PRMT1: variants seen among roughly 807,000 people sequenced by gnomAD.
The protein encoded by PRMT1 is protein arginine N-methyltransferase 1.
A neutral mutation model predicts 47.4 loss-of-function variants in PRMT1; 5 were observed. The ratio of observed to expected loss-of-function variants is 0.11; its 90% CI spans 0.06 to 0.22. The LOEUF is 0.22. PRMT1 is among the 10% of genes least tolerant of loss of function. The probability of loss-of-function intolerance (pLI) is 1.00; values close to 1 mark genes in which losing one functional copy is unlikely to be tolerated. For missense variants in PRMT1, 249 were observed against 518.4 expected (o/e 0.48, Z 5.05); for synonymous variants, 227 against 204.6 (o/e 1.11, Z -0.94).
At position 49,680,398 on chromosome 19, in the gene PRMT1, ACTC is replaced by A. The variant is rs147170819; in HGVS notation, c.91-88_91-86del. 5.5e-4 allele frequency: 667 copies of A among 1,204,860 alleles called. 5 individuals carry two copies. The African/African-American group carries it at 8.8e-3, about 16-fold the overall frequency. 74.6% of individuals were successfully genotyped at this position (1,204,860 alleles called of 1,614,324 possible). A position where few individuals can be genotyped will look rare whatever the true frequency, so the allele number is the denominator to read the frequency against. On this transcript the variant is annotated intron_variant, in intron 2 of 10. Transcript: ENST00000454376. This position sits in a 1 kb window ranked among gnomAD's most constrained non-coding sequence, Gnocchi z 4.2. ...GGTATGATTTTGGGGGTTCTATACTACTCTTCAGGGAAAAGTAGGGCGCTGGAG... is the reference window on the plus strand; with the variant it reads ...GGTATGATTTTGGGGGTTCTATACTATTCAGGGAAAAGTAGGGCGCTGGAG...
At chr19:49,682,314 C>T (rs1328521618) in intron 5 of PRMT1, 55 bp downstream of exon 5, 1 of 1,556,776 alleles carries the variant, frequency 6.4e-7, no homozygotes, top group African/African-American at 1.4e-5. Context: ...TGCCCTGCTT[C>T]CCCAGGGCCC....
intron 9 of PRMT1, 139 bp downstream of exon 9, chr19:49,686,382 G>A (rs1403700277): frequency 3.0e-6 from 4 of 1,317,364 alleles, no homozygotes; most frequent in Non-Finnish European, 3.1e-6. Flanking sequence ...CCATGTAGCA[G>A]TCACGTGGCC....
chr19:49,684,621 C>T lies in PRMT1; in HGVS notation c.556-133C>T. 9.4e-7 allele frequency: 1 copy of T among 1,064,866 alleles called. No individual in the cohort carries two copies. The highest frequency in any genetic ancestry group is 1.4e-6 in the Non-Finnish European group (1 of 733,888). 66.0% of individuals were successfully genotyped at this position (1,064,866 alleles called of 1,614,324 possible). A position where few individuals can be genotyped will look rare whatever the true frequency, so the allele number is the denominator to read the frequency against. On this transcript the variant is annotated intron_variant, in intron 6 of 10. Transcript: ENST00000454376. This position sits in a 1 kb window ranked among gnomAD's most constrained non-coding sequence, Gnocchi z 6.2. ...TCTGGCGGCCGTGTGGGAAATAGAC[C>T]AGGGGGCGAGGGGTGAGTGCCGCTG...
rs757559425 is a variant in PRMT1 at position 49,679,948 on chromosome 19, C to T, written c.90+23C>T. The T allele has an allele frequency of 6.3e-6, 10 of 1,595,650 alleles. No homozygotes were observed. In the Admixed American group the frequency reaches 1.7e-4, roughly 27 times the overall value. ...GAAGTAAATATCCTTTTGTGAGACCCCTCCCCACCCTGACCTCCACATCAA... is the reference window on the plus strand; with the variant it reads ...GAAGTAAATATCCTTTTGTGAGACCTCTCCCCACCCTGACCTCCACATCAA... On this transcript the variant is annotated intron_variant, in intron 2 of 10. Transcript: ENST00000454376.
In PRMT1 at chr19:49,680,321, T is replaced by G; in HGVS notation, c.91-166T>G. ...GAAGTGGAAAATGGGGTTGTTAGGT[T>G]TTGGGGTTCCTGGGGGGGCAAGATG... On this transcript the variant is annotated intron_variant, in intron 2 of 10. Transcript: ENST00000454376. This position sits in a 1 kb window ranked among gnomAD's most constrained non-coding sequence, Gnocchi z 4.2. The G allele has an allele frequency of 8.6e-7, 1 of 1,157,674 alleles. No homozygotes were observed. The highest frequency in any genetic ancestry group is 1.3e-6 in the Non-Finnish European group (1 of 779,058). 71.7% of individuals were successfully genotyped at this position (1,157,674 alleles called of 1,614,324 possible). A position where few individuals can be genotyped will look rare whatever the true frequency, so the allele number is the denominator to read the frequency against.
chr19:49,682,614 C>T lies in PRMT1; in HGVS notation c.412+355C>T, dbSNP rs536996866. ...GTCTGGACCTACAAACACATACATA[C>T]GTAAATGCATTTACATTCTCGTGCA... On this transcript the variant is annotated intron_variant, in intron 5 of 10. Coordinates refer to ENST00000454376, the MANE Select transcript of PRMT1 (RefSeq NM_001536.6). Among the ~76,000 whole-genome samples, 12 of 152,204 alleles carry T rather than the reference C, an allele frequency of 7.9e-5. No homozygotes were observed. In the South Asian group the frequency reaches 8.3e-4, roughly 11 times the overall value.
intron 9 of PRMT1, among the ~76,000 whole-genome samples, 175 bp from the exon 10 acceptor site, chr19:49,686,427 TTCC>T (rs938305794): frequency 2.0e-5 from 3 of 152,014 alleles, no homozygotes; most frequent in Non-Finnish European, 2.9e-5. Flanking sequence ...GTGCCTCAGT[TTCC>T]TCATCCACAA....
chr19:49,683,779 G>A, intron 5 of PRMT1, 148 bp from the exon 6 acceptor site: 2 of 850,084 alleles, frequency 2.4e-6, no homozygotes, highest in Non-Finnish European at 3.6e-6. Flanking sequence ...AACGATGTAT[G>A]AATTTTAAAA....
At position 49,686,783 on chromosome 19, in the gene PRMT1, G is replaced by A. The variant is rs535928505; in HGVS notation, c.1032+57G>A. ...GCAGCTAGGGCGGGGAGTGTAGATT[G>A]GGGGGGGAGTGGTGGGGGAGGAATG... On this transcript the variant is annotated intron_variant, in intron 10 of 10. Transcript: ENST00000454376. The A allele has an allele frequency of 4.4e-6, 5 of 1,129,616 alleles. No individual in the cohort carries two copies. In the African/African-American group the frequency reaches 5.5e-5, roughly 12 times the overall value. The allele number at this position is 1,129,616 out of a possible 1,614,324, so 70.0% of individuals were successfully genotyped here. A position where few individuals can be genotyped will look rare whatever the true frequency, so the allele number is the denominator to read the frequency against.
intron 5 of PRMT1, among the ~76,000 whole-genome samples, chr19:49,683,270 A>T (rs921846631): frequency 2.0e-5 from 3 of 152,000 alleles, no homozygotes; most frequent in African/African-American, 7.3e-5. Flanking sequence ...GTCCATTTGA[A>T]GCAAATTCCC....
chr19:49,677,258 A>T (rs747388867), upstream of PRMT1: 1 of 1,416,512 alleles, frequency 7.1e-7, no homozygotes. Context: ...TGGCGGCCGG[A>T]GGAGGAGTAG....
In PRMT1 at chr19:49,680,662, C is replaced by T. The variant is rs953208943; in HGVS notation, c.192+74C>T. On this transcript the variant is annotated intron_variant, in intron 3 of 10. Coordinates refer to ENST00000454376, the MANE Select transcript of PRMT1 (RefSeq NM_001536.6). This position sits in a 1 kb window ranked among gnomAD's most constrained non-coding sequence, Gnocchi z 4.2. The stretch of plus-strand genomic sequence containing the variant: ...TTGGGGAAGGGGTGGAACCTGTTTT[C>T]CCACGCATGCGCACTGCTTCCCCTG... 3.9e-5 allele frequency: 47 copies of T among 1,215,410 alleles called. No homozygotes were observed. Among genetic ancestry groups the T allele is most frequent in the Admixed American group, 1.6e-4 (9 of 57,952 alleles). 75.3% of individuals were successfully genotyped at this position (1,215,410 alleles called of 1,614,324 possible).
At chr19:49,683,865 G>A (rs1884859485) in intron 5 of PRMT1, 62 bp from the exon 6 acceptor site, 2 of 1,570,828 alleles carry the variant, frequency 1.3e-6, no homozygotes, top group African/African-American at 1.4e-5. Context: ...TAGCCCCCGG[G>A]GGAGGTGAGG....
rs1568485486 is a variant in PRMT1 at position 49,680,398 on chromosome 19, A to T, written c.91-89A>T. On this transcript the variant is annotated intron_variant, in intron 2 of 10. Transcript: ENST00000454376. The surrounding 1 kb of genome is among the most constrained non-coding windows in gnomAD (Gnocchi z 4.2). The stretch of plus-strand genomic sequence containing the variant: ...GGTATGATTTTGGGGGTTCTATACT[A>T]CTCTTCAGGGAAAAGTAGGGCGCTG... 3 of 1,204,742 alleles carry T rather than the reference A, an allele frequency of 2.5e-6. No individual in the cohort carries two copies. The highest frequency in any genetic ancestry group is 1.5e-5 in the African/African-American group (1 of 66,142). The allele number at this position is 1,204,742 out of a possible 1,614,324, so 74.6% of individuals were successfully genotyped here. A position where few individuals can be genotyped will look rare whatever the true frequency, so the allele number is the denominator to read the frequency against.
At chr19:49,677,864 G>C (rs937517229) in intron 1 of PRMT1, among the ~76,000 whole-genome samples, 4 of 152,026 alleles carry the variant, frequency 2.6e-5, no homozygotes, top group Non-Finnish European at 5.9e-5. Context: ...GGGGGCATCT[G>C]TTGGGATATC....
intron 1 of PRMT1, among the ~76,000 whole-genome samples, chr19:49,678,478 GA>G (rs1185086171): frequency 6.6e-6 from 1 of 152,164 alleles, no homozygotes; most frequent in Non-Finnish European, 1.5e-5. Context: ...GCCCGAGTGG[GA>G]AACCCCCTCA....
At chr19:49,676,638 C>T (rs960731257), upstream of PRMT1, among the ~76,000 whole-genome samples, 1 of 152,174 alleles carries the variant, frequency 6.6e-6, no homozygotes, top group Non-Finnish European at 1.5e-5. Flanking sequence ...CCGTTTTTCC[C>T]CCAGGTAATG....
Position 49,687,879 on chromosome 19 carries a change from A to T in PRMT1, c.1033-283A>T. The T allele has an allele frequency of 5.7e-6, 3 of 525,206 alleles. No homozygotes were observed. The South Asian group carries it at 7.8e-5, about 14-fold the overall frequency. 32.5% of individuals were successfully genotyped at this position (525,206 alleles called of 1,614,324 possible). A position where few individuals can be genotyped will look rare whatever the true frequency, so the allele number is the denominator to read the frequency against. On this transcript the variant is annotated intron_variant, in intron 10 of 10. Coordinates refer to ENST00000454376, the MANE Select transcript of PRMT1 (RefSeq NM_001536.6). ...TTTCTTTTTTATGAAAGAAGCAATC[A>T]CTGCATTGCTGATGGGAATCATCCT...
intron 5 of PRMT1, 80 bp downstream of exon 5, chr19:49,682,339 G>A (rs1392924262): frequency 6.9e-7 from 1 of 1,452,364 alleles, no homozygotes; most frequent in Non-Finnish European, 9.6e-7. Context: ...AAGAGCAGTG[G>A]GGTCTACAGA....
Sources: allele counts gnomAD v4.1 joint callset (sites outside exome capture counted in the v4.1 genomes callset), GRCh38; gene constraint gnomAD v4.1.1; non-coding constraint Gnocchi (gnomAD v3.1); transcripts MANE v1.5; gene names NCBI Gene and HGNC (gene_info 2026-07-23, HGNC 2026-07-21).